SEMA5B: variants seen among roughly 807,000 people sequenced by gnomAD.
SEMA5B encodes semaphorin 5B.
In SEMA5B, 66 loss-of-function variants were observed where a neutral mutation model predicts 135.0. That is an observed-to-expected ratio of 0.49 (90% CI 0.40 to 0.60). The LOEUF is 0.60. Ranked by LOEUF, SEMA5B falls within the 20% of genes least tolerant of loss-of-function variation. SEMA5B has a pLI of 0.00. For missense variants in SEMA5B, 1,501 were observed against 1,566.3 expected (o/e 0.96, Z 0.70); for synonymous variants, 690 against 639.5 (o/e 1.08, Z -1.19).
Position 122,910,214 on chromosome 3 carries a change from G to C in SEMA5B, c.3385C>G (p.Pro1129Ala), listed in dbSNP as rs757931146. Residue 1129 changes from proline to alanine, a missense_variant, in exon 23 of 23, where the codon CCA becomes GCA. Physicochemically the swap from Pro to Ala is conservative, Grantham distance 27. Transcript: ENST00000357599. ...QTNVYTTTYY[P>A]SPLNKHSFRP... The stretch of plus-strand genomic sequence containing the variant: ...AAGCTGTGTTTGTTCAGGGGGCTTG[G>C]GTAGTAAGTAGTCGTGTACACATTG... 7.4e-6 allele frequency: 12 copies of C among 1,614,102 alleles called. No homozygotes were observed. The African/African-American group carries it at 1.3e-4, about 18-fold the overall frequency.
intron 9 of SEMA5B, 79 bp downstream of exon 9, chr3:122,926,313 T>C (rs1938628379): frequency 1.4e-6 from 2 of 1,385,330 alleles, no homozygotes; most frequent in Admixed American, 2.1e-5. Flanking sequence ...CCCCATTTTA[T>C]AGATGAAGCC....
intron 1 of SEMA5B, among the ~76,000 whole-genome samples, chr3:123,012,286 G>T (rs1263826930): frequency 1.3e-5 from 2 of 152,158 alleles, no homozygotes; most frequent in Non-Finnish European, 2.9e-5. Flanking sequence ...AATCCCTGGG[G>T]CTGAAGGCTT....
chr3:122,977,774 C>T (rs1941381568), intron 1 of SEMA5B, among the ~76,000 whole-genome samples: 2 of 152,214 alleles, frequency 1.3e-5, no homozygotes, highest in African/African-American at 4.8e-5. Context: ...AATTAAAATG[C>T]AGGTCTCCAG....
chr3:122,964,861 A>C (rs1005608176), intron 1 of SEMA5B, among the ~76,000 whole-genome samples: 1 of 152,180 alleles, frequency 6.6e-6, no homozygotes, highest in Admixed American at 6.5e-5. Flanking sequence ...AGAGTTAAAC[A>C]TCTGGTGTTT....
At chr3:122,945,204 A>G (rs10755076) in intron 3 of SEMA5B, among the ~76,000 whole-genome samples, 47,749 of 151,996 alleles carry the variant, frequency 0.31, 7,829 homozygotes, top group East Asian at 0.48. Flanking sequence ...AAAGAAGAAG[A>G]AAGAAATTCT....
intron 1 of SEMA5B, among the ~76,000 whole-genome samples, chr3:123,003,201 A>C (rs1410304054): frequency 6.6e-6 from 1 of 152,240 alleles, no homozygotes; most frequent in Non-Finnish European, 1.5e-5. Context: ...AATCTCATAA[A>C]GAAATAAGCC....
intron 5 of SEMA5B, among the ~76,000 whole-genome samples, chr3:122,929,873 G>A (rs111351938): frequency 3.9e-5 from 6 of 152,188 alleles, no homozygotes. Flanking sequence ...CCCAACCCAG[G>A]ATCTCTTCTT....
chr3:123,011,664 C>T (rs1226510005), intron 1 of SEMA5B, among the ~76,000 whole-genome samples: 1 of 152,158 alleles, frequency 6.6e-6, no homozygotes, highest in Non-Finnish European at 1.5e-5. Context: ...AGAAAGTGAG[C>T]CCAGGACACA....
At position 122,969,264 on chromosome 3, in the gene SEMA5B, G is replaced by A. The variant is rs117488714; in HGVS notation, c.-38-7963C>T. ...TCTCAGATCTCTTTGATGCCAAAGCGCATGCTTTTAGTCAGCCTGCTTCCC... is the reference window on the plus strand; with the variant it reads ...TCTCAGATCTCTTTGATGCCAAAGCACATGCTTTTAGTCAGCCTGCTTCCC... On this transcript the variant is annotated intron_variant, in intron 1 of 22. Transcript: ENST00000357599. Among the ~76,000 whole-genome samples, 260 of 152,230 alleles carry A rather than the reference G, an allele frequency of 1.7e-3. No homozygotes were observed. The East Asian group carries it at 0.03, about 18-fold the overall frequency.
At chr3:122,952,912 A>C (rs376603458) in intron 2 of SEMA5B, among the ~76,000 whole-genome samples, 13 of 152,086 alleles carry the variant, frequency 8.5e-5, no homozygotes, top group African/African-American at 3.1e-4. Context: ...TCCCTTCAGA[A>C]CTAGGGGTGG....
intron 1 of SEMA5B, chr3:122,976,219 T>A (rs945921412): frequency 5.6e-5 from 81 of 1,434,932 alleles, no homozygotes; most frequent in Non-Finnish European, 7.2e-5. Flanking sequence ...CAGCAGCATC[T>A]GCACCTCCTG....
At chr3:122,978,322 G>GAACCACTC (rs1941404346) in intron 1 of SEMA5B, among the ~76,000 whole-genome samples, 1 of 152,250 alleles carries the variant, frequency 6.6e-6, no homozygotes, top group Non-Finnish European at 1.5e-5. Context: ...CCCCTGAAAA[G>GAACCACTC]AACCACTCAC....
Position 122,913,900 on chromosome 3 carries a change from C to T in SEMA5B, c.2090G>A (p.Arg697His), listed in dbSNP as rs761937598. Residue 697 changes from arginine (R) to histidine (H), a missense_variant, in exon 15 of 23, where the codon CGC (arginine) becomes CAC (histidine). This residue lies in a region of SEMA5B where 927 missense variants were observed against 881.6 expected (regional missense o/e 1.05). Transcript: ENST00000357599. ...GCCCACGCAGATGCGGCCCCCGTGG[C>T]GGGGAGCAGGGTTGCTGCAACTTCG... is the stretch of plus-strand genomic sequence containing the variant. The part of the protein sequence containing the change: ...RQRSCSNPAP[R>H]HGGRICVGKS... 1.2e-6 allele frequency: 2 copies of T among 1,612,476 alleles called. No homozygotes were observed. The highest frequency in any genetic ancestry group is 2.2e-5 in the East Asian group (1 of 44,862).
At chr3:122,993,816 G>A (rs939482093) in intron 1 of SEMA5B, among the ~76,000 whole-genome samples, 1 of 150,932 alleles carries the variant, frequency 6.6e-6, no homozygotes, top group East Asian at 2.0e-4. Flanking sequence ...GCTGTCAGCA[G>A]TCAGCTCCCC....
intron 1 of SEMA5B, chr3:122,976,113 A>T: frequency 6.5e-7 from 1 of 1,535,380 alleles, no homozygotes; most frequent in South Asian, 1.2e-5. Flanking sequence ...CTCTGCTGAC[A>T]GATGCAGCAT....
At chr3:122,911,576 G>A (rs779757255) in intron 20 of SEMA5B, 41 bp from the exon 21 acceptor site, 47 of 1,586,350 alleles carry the variant, frequency 3.0e-5, no homozygotes, top group East Asian at 2.7e-4. Context: ...GGGCGGAGAC[G>A]AGAGGAGGGG....
At chr3:122,955,110 T>A (rs1193580415) in intron 2 of SEMA5B, among the ~76,000 whole-genome samples, 2 of 150,756 alleles carry the variant, frequency 1.3e-5, no homozygotes, top group South Asian at 2.1e-4. Flanking sequence ...GTCATCATCT[T>A]CTTCTTTTTT....
At chr3:122,940,000 G>A (rs1203025696) in intron 4 of SEMA5B, among the ~76,000 whole-genome samples, 1 of 152,060 alleles carries the variant, frequency 6.6e-6, no homozygotes, top group Admixed American at 6.6e-5. Context: ...TTCATCTCCT[G>A]CAGTCTCTCC....
intron 1 of SEMA5B, among the ~76,000 whole-genome samples, chr3:123,010,221 G>A (rs1408352628): frequency 2.0e-5 from 3 of 152,136 alleles, no homozygotes; most frequent in Admixed American, 6.5e-5. Context: ...AACAGCAGAG[G>A]CCATGTGGTA....
Sources: allele counts gnomAD v4.1 joint callset (sites outside exome capture counted in the v4.1 genomes callset), GRCh38; gene constraint gnomAD v4.1.1; regional missense constraint gnomAD v4.1.1; transcripts MANE v1.5; gene names NCBI Gene and HGNC (gene_info 2026-07-23, HGNC 2026-07-21).